The following VEGFD variants were observed in gnomAD, a reference collection of about 807,000 sequenced individuals.
VEGFD encodes vascular endothelial growth factor D.
Under a neutral mutation model 28.0 loss-of-function variants are expected in VEGFD, and 26 were observed. The observed-to-expected ratio is 0.93, with a 90% CI of 0.68 to 1.29. VEGFD has a LOEUF of 1.29. Ranked by LOEUF, VEGFD falls within the 50% of genes most tolerant of loss-of-function variation. The probability of loss-of-function intolerance (pLI) is 0.00; values close to 1 mark genes in which losing one functional copy is unlikely to be tolerated. For missense variants in VEGFD, 294 were observed against 273.4 expected (o/e 1.08, Z -0.53); for synonymous variants, 93 against 95.5 (o/e 0.97, Z 0.15).
At chrX:15,355,683 CTT>C (rs775955915) in intron 3 of VEGFD, among the ~76,000 whole-genome samples, 16 of 112,630 alleles carry the variant, frequency 1.4e-4, no homozygotes, top group Non-Finnish European at 3.0e-4. Context: ...TTTCCTGTCT[CTT>C]GACTTTTTAT....
intron 1 of VEGFD, among the ~76,000 whole-genome samples, chrX:15,371,520 A>T (rs927710231): frequency 1.8e-5 from 2 of 112,115 alleles, no homozygotes; most frequent in Admixed American, 9.5e-5. Context: ...AAACCTGATA[A>T]CACTTGATTT....
Position 15,355,192 on chromosome X carries a change from T to C in VEGFD, c.599A>G (p.Tyr200Cys). The part of the protein sequence containing the change: ...KCLPTAPRHP[Y>C]SIIRRSIQIP... ...CTGGATGGATCTTCTGATAATTGAGTATGGATGGCGGGGGGCTGTTGGCAA... is the reference window on the plus strand; with the variant it reads ...CTGGATGGATCTTCTGATAATTGAGCATGGATGGCGGGGGGCTGTTGGCAA... Residue 200 changes from tyrosine (Y) to cysteine (C), a missense_variant, in exon 4 of 7, where the codon TAC becomes TGC. Tyr to Cys is a radical substitution (Grantham distance 194). Transcript: ENST00000297904. The C allele has an allele frequency of 3.3e-6, 4 of 1,204,055 alleles. No individual in the cohort carries two copies. The highest frequency in any genetic ancestry group is 4.5e-6 in the Non-Finnish European group (4 of 893,129).
intron 1 of VEGFD, among the ~76,000 whole-genome samples, chrX:15,378,069 C>T (rs1330465422): frequency 8.9e-6 from 1 of 112,188 alleles, no homozygotes; most frequent in South Asian, 3.7e-4. Flanking sequence ...CTAAGGCTCT[C>T]AGGGATGAAG....
chrX:15,368,061 GGAAAGAAA>G (rs376031506), intron 1 of VEGFD, among the ~76,000 whole-genome samples: 6 of 73,714 alleles, frequency 8.1e-5, no homozygotes, highest in East Asian at 8.2e-4. Context: ...AAGAAAGAAA[GGAAAGAAA>G]GAAAGAAAGA....
intron 1 of VEGFD, among the ~76,000 whole-genome samples, chrX:15,364,676 AT>A (rs1029338327): frequency 9.0e-6 from 1 of 111,648 alleles, no homozygotes; most frequent in African/African-American, 3.3e-5. Flanking sequence ...GGCTGAGGCC[AT>A]TTGTAGAGCT....
intron 5 of VEGFD, among the ~76,000 whole-genome samples, chrX:15,351,175 G>A (rs1427418405): frequency 1.1e-5 from 1 of 93,984 alleles, no homozygotes; most frequent in East Asian, 3.3e-4. Flanking sequence ...GAGTGCAGTG[G>A]CGGGATCTCG....
chrX:15,350,610 C>T (rs1317243977), intron 5 of VEGFD, among the ~76,000 whole-genome samples: 1 of 112,503 alleles, frequency 8.9e-6, no homozygotes, highest in East Asian at 2.8e-4. Flanking sequence ...TGCCTGCCTA[C>T]AAACCTCCTC....
intron 1 of VEGFD, among the ~76,000 whole-genome samples, chrX:15,365,996 G>C (rs1225907699): frequency 1.0e-5 from 1 of 95,305 alleles, no homozygotes; most frequent in African/African-American, 4.8e-5. Context: ...ATTCTTCCTA[G>C]TTTGTTTGTT....
chrX:15,350,811 T>TTCTC (rs1270964302), intron 5 of VEGFD, among the ~76,000 whole-genome samples: 11 of 101,150 alleles, frequency 1.1e-4, no homozygotes, highest in East Asian at 9.1e-4. Context: ...CTTTCTTTCT[T>TTCTC]TCTCTCTCTC....
chrX:15,351,511 G>A (rs1443615351), intron 5 of VEGFD, among the ~76,000 whole-genome samples: 3 of 111,352 alleles, frequency 2.7e-5, no homozygotes, highest in African/African-American at 6.5e-5. Flanking sequence ...CACCATTCCC[G>A]GCCAACCCCA....
chrX:15,359,108 A>C (rs1453227715), intron 2 of VEGFD, among the ~76,000 whole-genome samples: 1 of 110,553 alleles, frequency 9.0e-6, no homozygotes, highest in African/African-American at 3.3e-5. Flanking sequence ...CAGCTTTGAA[A>C]CTAACCCCCA....
chrX:15,359,058 G>A (rs1922938590), intron 2 of VEGFD, among the ~76,000 whole-genome samples: 1 of 111,283 alleles, frequency 9.0e-6, no homozygotes, highest in Non-Finnish European at 1.9e-5. Flanking sequence ...TATTTATTAT[G>A]TGTGGGGTTG....
Position 15,383,919 on chromosome X carries a change from C to T in VEGFD, c.28G>A (p.Val10Ile), listed in dbSNP as rs1411877678. MYREWVVVN[V>I]FMMLYVQLVQ... ...AGCTGGACGTACAACATCATGAAAA[C>T]ATTCACCACTACCCACTCTCTGTAC... Residue 10 changes from valine (V) to isoleucine (I), a missense_variant, in exon 1 of 7, where the codon GTT becomes ATT. Physicochemically the swap from Val to Ile is conservative, Grantham distance 29. Transcript: ENST00000297904. 2 of 1,203,102 alleles carry T rather than the reference C, an allele frequency of 1.7e-6. No homozygotes were observed. The highest frequency in any genetic ancestry group is 3.5e-5 in the African/African-American group (2 of 57,151).
intron 2 of VEGFD, among the ~76,000 whole-genome samples, chrX:15,360,204 T>C (rs921030291): frequency 9.0e-6 from 1 of 111,553 alleles, no homozygotes; most frequent in African/African-American, 3.3e-5. Flanking sequence ...TAATACCAAT[T>C]TTTTTCATAT....
At chrX:15,347,696 A>C (rs1212696551) in intron 5 of VEGFD, among the ~76,000 whole-genome samples, 1 of 112,184 alleles carries the variant, frequency 8.9e-6, no homozygotes, top group Non-Finnish European at 1.9e-5. Context: ...AGGATGTCTA[A>C]GGGTTATGAA....
intron 1 of VEGFD, among the ~76,000 whole-genome samples, chrX:15,380,966 A>G (rs1342211256): frequency 8.9e-6 from 1 of 112,667 alleles, no homozygotes; most frequent in African/African-American, 3.2e-5. Flanking sequence ...CCGTAATCTG[A>G]TTATATTAAT....
chrX:15,372,113 T>A (rs1247050810), intron 1 of VEGFD, among the ~76,000 whole-genome samples: 1 of 112,083 alleles, frequency 8.9e-6, no homozygotes, highest in Non-Finnish European at 1.9e-5. Context: ...AAAGGCAGGC[T>A]TCATTTTTCA....
chrX:15,367,986 A>AAAAGAAGGAAAGAAAGAAAGAAAG (rs1923191807), intron 1 of VEGFD, among the ~76,000 whole-genome samples: 1 of 66,631 alleles, frequency 1.5e-5, no homozygotes, highest in Non-Finnish European at 2.6e-5. Context: ...AAGAAAAAGA[A>AAAAGAAGGAAAGAAAGAAAGAAAG]AAAGAAAGAA....
intron 5 of VEGFD, among the ~76,000 whole-genome samples, chrX:15,348,297 G>A (rs1237341365): frequency 8.9e-6 from 1 of 111,921 alleles, no homozygotes; most frequent in Non-Finnish European, 1.9e-5. Context: ...AATTCAGTCT[G>A]TACCTTGTGT....
Sources: allele counts gnomAD v4.1 joint callset (sites outside exome capture counted in the v4.1 genomes callset), GRCh38; gene constraint gnomAD v4.1.1; transcripts MANE v1.5; gene names NCBI Gene and HGNC (gene_info 2026-07-23, HGNC 2026-07-21).